The following GRAP2 variants were observed in gnomAD, a reference collection of about 807,000 sequenced individuals.
GRAP2 encodes GRB2 related adaptor protein 2, also known as GRB2-related adapter protein 2.
Under a neutral mutation model 43.5 loss-of-function variants are expected in GRAP2, and 31 were observed. The observed-to-expected ratio is 0.71, with a 90% confidence interval of 0.54 to 0.96. The LOEUF (loss-of-function observed/expected upper bound fraction) is 0.96. Ranked by LOEUF, GRAP2 falls within the 40% of genes least tolerant of loss-of-function variation. The pLI is 0.00. For missense variants in GRAP2, 371 were observed against 424.4 expected (o/e 0.87, Z 1.11); for synonymous variants, 156 against 164.8 (o/e 0.95, Z 0.41).
chr22:39,966,632 G>T (rs1601743845), intron 5 of GRAP2, among the ~76,000 whole-genome samples: 1 of 152,210 alleles, frequency 6.6e-6, no homozygotes, highest in South Asian at 2.1e-4. Flanking sequence ...AAATCAGCAT[G>T]TGGAGTTTTA....
intron 3 of GRAP2, among the ~76,000 whole-genome samples, chr22:39,959,002 G>C (rs2067087528): frequency 6.6e-6 from 1 of 152,222 alleles, no homozygotes; most frequent in Admixed American, 6.5e-5. Flanking sequence ...AAAGCACAGA[G>C]AATTGCTCAC....
chr22:39,939,851 G>A (rs2066848221), intron 1 of GRAP2, among the ~76,000 whole-genome samples: 1 of 152,188 alleles, frequency 6.6e-6, no homozygotes, highest in African/African-American at 2.4e-5. Flanking sequence ...GGAGGTTGCA[G>A]TGAGCTGAGA....
chr22:39,930,828 A>G (rs1234530337), intron 1 of GRAP2, among the ~76,000 whole-genome samples: 1 of 151,850 alleles, frequency 6.6e-6, no homozygotes, highest in Non-Finnish European at 1.5e-5. Flanking sequence ...TCCTATTTGC[A>G]CACACCATTC....
chr22:39,914,017 A>C (rs901474061), intron 1 of GRAP2, among the ~76,000 whole-genome samples: 14 of 152,124 alleles, frequency 9.2e-5, no homozygotes, highest in Non-Finnish European at 1.6e-4. Context: ...AGGCTAAAGC[A>C]TCTCAATTCC....
chr22:39,898,179 C>A (rs141010645), upstream of GRAP2, among the ~76,000 whole-genome samples: 184 of 152,336 alleles, frequency 1.2e-3, no homozygotes, highest in African/African-American at 4.4e-3. Context: ...TCACTTTGTT[C>A]TAGACTTTGC....
the GRAP2 span, among the ~76,000 whole-genome samples, chr22:39,894,682 G>A: frequency 1.3e-5 from 2 of 152,178 alleles, no homozygotes; most frequent in African/African-American, 4.8e-5. Flanking sequence ...TGCCACTGAC[G>A]GGTAATTGTT....
chr22:39,924,391 C>G (rs2066679799), intron 1 of GRAP2, among the ~76,000 whole-genome samples: 1 of 152,158 alleles, frequency 6.6e-6, no homozygotes, highest in African/African-American at 2.4e-5. Flanking sequence ...GAGTTTTACG[C>G]AGTAGGCTCA....
At chr22:39,916,701 A>G (rs1424157271) in intron 1 of GRAP2, among the ~76,000 whole-genome samples, 1 of 152,262 alleles carries the variant, frequency 6.6e-6, no homozygotes, top group African/African-American at 2.4e-5. Context: ...ATGCCAGGTC[A>G]CATTGCACCC....
Position 39,901,658 on chromosome 22 carries a change from A to G in GRAP2, c.-15+328A>G, listed in dbSNP as rs190937537. On this transcript the variant is annotated intron_variant, in intron 1 of 7. Coordinates refer to ENST00000344138, the MANE Select transcript of GRAP2 (RefSeq NM_004810.4). ...GGTAAAATTCCACTTCACCATGGTCAGAATTTAATCCAAATTGGAAGGGAT... is the reference window on the plus strand; with the variant it reads ...GGTAAAATTCCACTTCACCATGGTCGGAATTTAATCCAAATTGGAAGGGAT... Among the ~76,000 whole-genome samples, 188 of 152,348 alleles carry G rather than the reference A, an allele frequency of 1.2e-3. 1 individual carries two copies. Among genetic ancestry groups the G allele is most frequent in the African/African-American group, 3.7e-3 (153 of 41,568 alleles).
At chr22:39,915,363 G>A (rs1053082171) in intron 1 of GRAP2, among the ~76,000 whole-genome samples, 1 of 151,954 alleles carries the variant, frequency 6.6e-6, no homozygotes, top group African/African-American at 2.4e-5. Context: ...CCCCACACTG[G>A]CTCCCTGCCC....
chr22:39,955,212 G>A (rs2067033519), intron 2 of GRAP2, among the ~76,000 whole-genome samples: 3 of 152,224 alleles, frequency 2.0e-5, no homozygotes, highest in Middle Eastern at 3.4e-3. Context: ...TGAAAAATTA[G>A]CCAGGTGTAG....
chr22:39,911,326 C>A (rs996434068), intron 1 of GRAP2, among the ~76,000 whole-genome samples: 1 of 152,056 alleles, frequency 6.6e-6, no homozygotes, highest in Non-Finnish European at 1.5e-5. Flanking sequence ...GTAATGTGAG[C>A]AAGTGCCATA....
intron 1 of GRAP2, among the ~76,000 whole-genome samples, chr22:39,902,710 T>C (rs144894043): frequency 3.1e-4 from 47 of 152,326 alleles, no homozygotes; most frequent in African/African-American, 9.9e-4. Flanking sequence ...TGAAGAAATA[T>C]CTCTGTTGCT....
intron 1 of GRAP2, among the ~76,000 whole-genome samples, chr22:39,937,793 A>G (rs894072343): frequency 6.6e-6 from 1 of 152,184 alleles, no homozygotes; most frequent in African/African-American, 2.4e-5. Context: ...CAGGTCTGAC[A>G]CCTAAGTCCC....
intron 1 of GRAP2, among the ~76,000 whole-genome samples, chr22:39,943,651 C>T (rs2066892721): frequency 6.6e-6 from 1 of 151,934 alleles, no homozygotes; most frequent in African/African-American, 2.4e-5. Context: ...TTCTAAAGCC[C>T]ATCACTGGCA....
chr22:39,955,724 A>T, intron 2 of GRAP2, 95 bp from the exon 3 acceptor site: 1 of 681,724 alleles, frequency 1.5e-6, no homozygotes, highest in Non-Finnish European at 2.7e-6. Context: ...TTTTCCTCTA[A>T]GTCCAAAAGG....
intron 1 of GRAP2, among the ~76,000 whole-genome samples, chr22:39,929,599 AC>A (rs1439756790): frequency 6.6e-6 from 1 of 152,182 alleles, no homozygotes; most frequent in Non-Finnish European, 1.5e-5. Context: ...CTCCTGCTGA[AC>A]AAATGAACTC....
intron 1 of GRAP2, among the ~76,000 whole-genome samples, chr22:39,927,294 G>C (rs989122958): frequency 1.3e-5 from 2 of 152,118 alleles, no homozygotes; most frequent in East Asian, 3.9e-4. Context: ...TCTGGCATTG[G>C]GTTTATTTCA....
chr22:39,937,241 A>G (rs2066815573), intron 1 of GRAP2, among the ~76,000 whole-genome samples: 2 of 152,298 alleles, frequency 1.3e-5, no homozygotes, highest in Admixed American at 6.5e-5. Context: ...GCATTGGCAC[A>G]GTCTGGGTGG....
Sources: gnomAD v4.1 joint callset for allele counts (sites outside exome capture counted in the v4.1 genomes callset) on GRCh38, gnomAD v4.1.1 for gene constraint, MANE v1.5 for transcripts, NCBI Gene and HGNC (gene_info 2026-07-23, HGNC 2026-07-21) for gene names.